NDUFS7: variants seen among roughly 807,000 people sequenced by gnomAD.
The protein encoded by NDUFS7 is NADH:ubiquinone oxidoreductase core subunit S7, also known as NADH dehydrogenase [ubiquinone] iron-sulfur protein 7, mitochondrial.
In NDUFS7, 11 loss-of-function variants were observed where a neutral mutation model predicts 31.1. The ratio of observed to expected loss-of-function variants is 0.35; its 90% confidence interval spans 0.22 to 0.59. The LOEUF is 0.59. Ranked by LOEUF, NDUFS7 falls within the 20% of genes least tolerant of loss-of-function variation. The pLI is 0.79. For synonymous variants in NDUFS7, 136 were observed against 127.9 expected (o/e 1.06, Z -0.43); for missense variants, 263 against 324.2 (o/e 0.81, Z 1.45).
intron 7 of NDUFS7, chr19:1,395,094 G>A: frequency 7.6e-7 from 1 of 1,311,130 alleles, no homozygotes; most frequent in East Asian, 3.4e-5. Flanking sequence ...CCTGAGGGCT[G>A]GGGCCGGGGG....
intron 6 of NDUFS7, 99 bp downstream of exon 6, chr19:1,391,264 T>G (rs2082555628): frequency 8.2e-6 from 12 of 1,454,898 alleles, no homozygotes; most frequent in African/African-American, 1.4e-5. Flanking sequence ...CTACATTCAG[T>G]GAAATCCCAC....
At chr19:1,392,836 C>T (rs1003087632) in intron 6 of NDUFS7, 6 of 297,144 alleles carry the variant, frequency 2.0e-5, no homozygotes, top group African/African-American at 6.5e-5. Context: ...CTCCCTGCCC[C>T]GGGTGGACCC....
At chr19:1,385,608 C>T (rs2082502612) in intron 1 of NDUFS7, among the ~76,000 whole-genome samples, 3 of 152,180 alleles carry the variant, frequency 2.0e-5, no homozygotes, top group Middle Eastern at 3.4e-3. Flanking sequence ...CCCCTGAGTT[C>T]GGGAGTTCAA....
chr19:1,384,116 C>T (rs1259437066), intron 1 of NDUFS7, 174 bp downstream of exon 1: 6 of 690,006 alleles, frequency 8.7e-6, no homozygotes, highest in Non-Finnish European at 1.1e-5. Context: ...GAACGGTCGC[C>T]GTTATTGCGT....
chr19:1,387,398 G>T (rs1440312222), intron 1 of NDUFS7, among the ~76,000 whole-genome samples: 1 of 152,200 alleles, frequency 6.6e-6, no homozygotes, highest in Non-Finnish European at 1.5e-5. Flanking sequence ...GACGCCCCGG[G>T]TATCTGAACT....
chr19:1,391,486 CTTTTTTTTTTTTTT>C (rs11287297), intron 6 of NDUFS7, among the ~76,000 whole-genome samples: 2 of 122,708 alleles, frequency 1.6e-5, no homozygotes, highest in South Asian at 2.6e-4. Context: ...AGTTTTTTTT[CTTTTTTTTTTTTTT>C]TTTGAGACAG....
In NDUFS7 at chr19:1,387,833, G is replaced by T. The variant is rs1175020698; in HGVS notation, c.39G>T (p.Arg13=). ...CAGCTCCTGGCCTGCGCGGCTTCCG[G>T]ATCCTTGGTCTGCGGTGAGTGCCTG... is the stretch of plus-strand genomic sequence containing the variant. ...VLSAPGLRGF[R]ILGLRSSVGP... The change falls in exon 2 of 8, where the codon CGG becomes CGT. Residue 13 remains arginine (R), a synonymous_variant. Transcript: ENST00000233627. The T allele has an allele frequency of 3.1e-6, 5 of 1,609,756 alleles. No individual in the cohort carries two copies. The highest frequency in any genetic ancestry group is 4.2e-6 in the Non-Finnish European group (5 of 1,179,710).
At chr19:1,389,866 G>C (rs978953963) in intron 4 of NDUFS7, 2 of 272,034 alleles carry the variant, frequency 7.4e-6, no homozygotes, top group African/African-American at 2.2e-5. Flanking sequence ...GACAAGGATA[G>C]TTTTTAATGC....
At position 1,393,118 on chromosome 19, in the gene NDUFS7, A is replaced by G. The variant is rs529659028; in HGVS notation, c.456-124A>G. 1 of 747,630 alleles carries G rather than the reference A, an allele frequency of 1.3e-6. No homozygotes were observed. The highest frequency in any genetic ancestry group is 2.7e-5 in the East Asian group (1 of 37,122). 46.3% of individuals were successfully genotyped at this position (747,630 alleles called of 1,614,324 possible). On this transcript the variant is annotated intron_variant, in intron 6 of 7. Transcript: ENST00000233627. The surrounding 1 kb of genome is among the most constrained non-coding windows in gnomAD (Gnocchi z 7.3). ...TGTTTGCTCATTGCTTCTCCGTGAC[A>G]AGTTCCAGCCTCGTAGGTGCCTGGC... is the stretch of plus-strand genomic sequence containing the variant.
In NDUFS7 at chr19:1,384,097, G is replaced by T. The variant is rs1600143322; in HGVS notation, c.16+155G>T. On this transcript the variant is annotated intron_variant, in intron 1 of 7. Coordinates refer to ENST00000233627, the MANE Select transcript of NDUFS7 (RefSeq NM_024407.5). ...GGCCGCTCCTCGGGCTCCCCGCCCGGCTTGCGATGAACGGTCGCCGTTATT... is the reference window on the plus strand; with the variant it reads ...GGCCGCTCCTCGGGCTCCCCGCCCGTCTTGCGATGAACGGTCGCCGTTATT... 6.2e-6 allele frequency: 5 copies of T among 811,208 alleles called. No individual in the cohort carries two copies. In the South Asian group the frequency reaches 1.0e-4, roughly 16 times the overall value. 50.3% of individuals were successfully genotyped at this position (811,208 alleles called of 1,614,324 possible).
intron 7 of NDUFS7, chr19:1,394,663 T>C (rs576117482): frequency 1.7e-4 from 210 of 1,218,296 alleles, no homozygotes; most frequent in Non-Finnish European, 2.0e-4. Flanking sequence ...CGCTCCTCCC[T>C]CCCTCCCTGC....
In NDUFS7 at chr19:1,393,716, T is replaced by C; in HGVS notation, c.544+386T>C. Reference sequence around the variant, plus strand: ...TTACAGAAGGGCACGCAGGACTCCCTGGGACCCGGGGTGGCCGGATTTGGC... The same window carrying C: ...TTACAGAAGGGCACGCAGGACTCCCCGGGACCCGGGGTGGCCGGATTTGGC... On this transcript the variant is annotated intron_variant, in intron 7 of 7. Transcript: ENST00000233627. The surrounding 1 kb of genome is among the most constrained non-coding windows in gnomAD (Gnocchi z 7.3). The C allele has an allele frequency of 1.8e-6, 1 of 549,582 alleles. No homozygotes were observed. The highest frequency in any genetic ancestry group is 3.1e-5 in the Admixed American group (1 of 31,766). 34.0% of individuals were successfully genotyped at this position (549,582 alleles called of 1,614,324 possible).
intron 2 of NDUFS7, 86 bp downstream of exon 2, chr19:1,387,933 G>GGGCGCCT: frequency 2.6e-6 from 1 of 385,718 alleles, no homozygotes; most frequent in Non-Finnish European, 5.1e-6. Context: ...GGGGTGGGGG[G>GGGCGCCT]AGCGCCTTGT....
Position 1,383,926 on chromosome 19 carries a change from G to A in NDUFS7, c.-1G>A. On this transcript the variant is annotated 5_prime_UTR_variant, in exon 1 of 8. Coordinates refer to ENST00000233627, the MANE Select transcript of NDUFS7 (RefSeq NM_024407.5). The stretch of plus-strand genomic sequence containing the variant: ...GAGGTTGTCTGAAGGCCGAGGCCAA[G>A]ATGGCGGTGCTGTCAGGTGAGCGCG... 1.9e-6 allele frequency: 3 copies of A among 1,581,498 alleles called. No homozygotes were observed. The highest frequency in any genetic ancestry group is 1.7e-4 in the Middle Eastern group (1 of 5,886).
At position 1,388,616 on chromosome 19, in the gene NDUFS7, G is replaced by A. The variant is rs530310236; in HGVS notation, c.122+23G>A. The A allele has an allele frequency of 1.2e-5, 20 of 1,606,472 alleles. No homozygotes were observed. In the South Asian group the frequency reaches 1.9e-4, roughly 15 times the overall value. On this transcript the variant is annotated intron_variant, in intron 3 of 7. Transcript: ENST00000233627. The stretch of plus-strand genomic sequence containing the variant: ...CAGGTGAAGCTGGCCTTCTGGGGGA[G>A]GTCGTACCCCCTCGCCCCACCCCCA...
At chr19:1,389,794 T>C in intron 4 of NDUFS7, 1 of 330,010 alleles carries the variant, frequency 3.0e-6, no homozygotes, top group South Asian at 2.5e-5. Context: ...CACTGTTTCC[T>C]TTTGTTTTTT....
Position 1,395,380 on chromosome 19 carries a change from G to C in NDUFS7, c.545-11G>C. The stretch of plus-strand genomic sequence containing the variant: ...GCTGCGGGAAGCGAGACTGAGGCAA[G>C]GTCCCTGCAGGCTGCCCACCTACGG... On this transcript the variant is annotated splice_polypyrimidine_tract_variant and intron_variant, in intron 7 of 7. Coordinates refer to ENST00000233627, the MANE Select transcript of NDUFS7 (RefSeq NM_024407.5). 6.3e-7 allele frequency: 1 copy of C among 1,597,224 alleles called. No homozygotes were observed. The highest frequency in any genetic ancestry group is 2.3e-5 in the East Asian group (1 of 44,208).
rs2082588766 is a variant in NDUFS7, at chr19:1,395,280, AC to A, written c.545-109del. On this transcript the variant is annotated intron_variant, in intron 7 of 7. Transcript: ENST00000233627. The stretch of plus-strand genomic sequence containing the variant: ...CGCCCACCCAGGGCTGTCAGCCTCC[AC>A]CTTCAGAGGCCGGCCCGGGAAACCC... The A allele has an allele frequency of 9.4e-6, 14 of 1,490,082 alleles. No individual in the cohort carries two copies. In the East Asian group the frequency reaches 3.5e-4, roughly 37 times the overall value. 92.3% of individuals were successfully genotyped at this position (1,490,082 alleles called of 1,614,324 possible).
Position 1,388,137 on chromosome 19 carries a change from G to A in NDUFS7, c.53+290G>A, listed in dbSNP as rs1009601427. The stretch of plus-strand genomic sequence containing the variant: ...GGTGGGAAGGCATTCTCTGAGCCCT[G>A]TGCAGATGGCAGCTGGGGCAGGCCT... On this transcript the variant is annotated intron_variant, in intron 2 of 7. Coordinates refer to ENST00000233627, the MANE Select transcript of NDUFS7 (RefSeq NM_024407.5). 3.7e-5 allele frequency: 22 copies of A among 594,506 alleles called. No individual in the cohort carries two copies. In the African/African-American group the frequency reaches 3.7e-4, roughly 10 times the overall value. 36.8% of individuals were successfully genotyped at this position (594,506 alleles called of 1,614,324 possible). A position where few individuals can be genotyped will look rare whatever the true frequency, so the allele number is the denominator to read the frequency against.
Sources: allele counts gnomAD v4.1 joint callset (sites outside exome capture counted in the v4.1 genomes callset), GRCh38; gene constraint gnomAD v4.1.1; non-coding constraint Gnocchi (gnomAD v3.1); transcripts MANE v1.5; gene names NCBI Gene and HGNC (gene_info 2026-07-23, HGNC 2026-07-21).